The following BCL9 variants were observed in gnomAD, a reference collection of about 807,000 sequenced individuals.
BCL9 encodes BCL9 transcription coactivator, also known as B-cell CLL/lymphoma 9 protein.
In BCL9, 25 loss-of-function variants were observed where a neutral mutation model predicts 88.5. The ratio of observed to expected loss-of-function variants is 0.28; its 90% CI spans 0.21 to 0.39. The LOEUF (loss-of-function observed/expected upper bound fraction) is 0.39. Ranked by LOEUF, BCL9 falls within the 10% of genes least tolerant of loss-of-function variation. The pLI is 1.00. For synonymous variants in BCL9, 711 were observed against 673.3 expected (o/e 1.06, Z -0.87); for missense variants, 1,817 against 1,877.8 (o/e 0.97, Z 0.60).
At chr1:147,615,114 T>C (rs970867183) in intron 6 of BCL9, among the ~76,000 whole-genome samples, 1 of 152,174 alleles carries the variant, frequency 6.6e-6, no homozygotes, top group Non-Finnish European at 1.5e-5. Flanking sequence ...ATGATGGGAT[T>C]ACAGGCATGA....
intron 1 of BCL9, among the ~76,000 whole-genome samples, chr1:147,556,369 C>T (rs1655114628): frequency 6.6e-6 from 1 of 151,962 alleles, no homozygotes; most frequent in African/African-American, 2.4e-5. Flanking sequence ...CATGATCTGC[C>T]TGCCTCGGCC....
intron 1 of BCL9, among the ~76,000 whole-genome samples, chr1:147,558,698 C>T (rs1259707452): frequency 6.6e-6 from 1 of 152,084 alleles, no homozygotes; most frequent in Non-Finnish European, 1.5e-5. Context: ...TCTTTTCTTC[C>T]AGCAGAACAT....
In BCL9 at chr1:147,624,791, C is replaced by G. The variant is rs782010364; in HGVS notation, c.4113C>G (p.His1371Gln). 1 of 1,614,152 alleles carries G rather than the reference C, an allele frequency of 6.2e-7. No individual in the cohort carries two copies. The highest frequency in any genetic ancestry group is 8.5e-7 in the Non-Finnish European group (1 of 1,180,000). The change falls in exon 10 of 10, where the codon CAC becomes CAG. Residue 1371 changes from histidine to glutamine, a missense_variant. By Grantham distance (24) the His-to-Gln change is conservative. Transcript: ENST00000234739. This position sits in a 1 kb window ranked among gnomAD's most constrained non-coding sequence, Gnocchi z 4.4. Reference protein sequence around the residue: ...KDRGPAGLYTHPGPVGSPGMM... With the variant: ...KDRGPAGLYTQPGPVGSPGMM... ...GGGGGCCTGCCGGGCTCTACACCCA[C>G]CCTGGGCCTGTGGGCTCTCCAGGCA... is the stretch of plus-strand genomic sequence containing the variant.
Position 147,593,151 on chromosome 1 carries a change from CAAA to C in BCL9, c.-477-11625_-477-11623del, listed in dbSNP as rs146994692. Among the ~76,000 whole-genome samples the C allele has an allele frequency of 2.0e-5, 3 of 152,344 alleles. No homozygotes were observed. The East Asian group carries it at 5.8e-4, about 29-fold the overall frequency. On this transcript the variant is annotated intron_variant, in intron 1 of 9. Coordinates refer to ENST00000234739, the MANE Select transcript of BCL9 (RefSeq NM_004326.4). ...GGCACTGCACGAGGTGCTGAGAAGA[CAAA>C]GAGGCATCCAGCCCCACTGCATGCC...
Position 147,611,708 on chromosome 1 carries a change from GAGCGCTAAGGGACGCACCCAGCA to G in BCL9, c.-125_-103del. ...AAGAGGAAAAAGGCATACAGGCAGCGAGCGCTAAGGGACGCACCCAGCAAGCAGTGGGCCAGTGCCACTGCCCC... is the reference window on the plus strand; with the variant it reads ...AAGAGGAAAAAGGCATACAGGCAGCGAGCAGTGGGCCAGTGCCACTGCCCC... On this transcript the variant is annotated 5_prime_UTR_variant, in exon 4 of 10. An upstream open reading frame in the 5' UTR loses its in-frame stop. Transcript: ENST00000234739. 1 of 811,420 alleles carries G rather than the reference GAGCGCTAAGGGACGCACCCAGCA, an allele frequency of 1.2e-6. No individual in the cohort carries two copies. The highest frequency in any genetic ancestry group is 2.1e-6 in the Non-Finnish European group (1 of 482,186). 50.3% of individuals were successfully genotyped at this position (811,420 alleles called of 1,614,324 possible).
chr1:147,569,664 G>C (rs916750882), intron 1 of BCL9, among the ~76,000 whole-genome samples: 1 of 120 alleles, frequency 8.3e-3, no homozygotes, highest in Non-Finnish European at 0.024. Flanking sequence ...AAAAAGAAGA[G>C]AAAAAGAAGA....
chr1:147,548,613 GT>G (rs1279268430), intron 1 of BCL9, among the ~76,000 whole-genome samples: 1 of 152,174 alleles, frequency 6.6e-6, no homozygotes, highest in Non-Finnish European at 1.5e-5. Flanking sequence ...ATTGTTTGTA[GT>G]TTTTGTACCC....
intron 1 of BCL9, among the ~76,000 whole-genome samples, chr1:147,546,344 A>T (rs1044878753): frequency 1.7e-4 from 26 of 152,010 alleles, no homozygotes; most frequent in African/African-American, 4.1e-4. Context: ...AAAAAAAAAA[A>T]TAATAAATAA....
chr1:147,545,572 A>G lies in BCL9; in HGVS notation c.-478+3898A>G, dbSNP rs140235739. 2.8e-3 allele frequency among the ~76,000 whole-genome samples: 420 copies of G among 152,324 alleles called. 2 individuals carry two copies. Among genetic ancestry groups the G allele is most frequent in the African/African-American group, 9.5e-3 (393 of 41,556 alleles). On this transcript the variant is annotated intron_variant, in intron 1 of 9. Coordinates refer to ENST00000234739, the MANE Select transcript of BCL9 (RefSeq NM_004326.4). ...ACTGTTATGACATTTTAAAGGTGCAATGTGTAGGTACTCTGCATAAATAAA... is the reference window on the plus strand; with the variant it reads ...ACTGTTATGACATTTTAAAGGTGCAGTGTGTAGGTACTCTGCATAAATAAA...
At chr1:147,555,634 G>C (rs587617578) in intron 1 of BCL9, among the ~76,000 whole-genome samples, 80 of 152,272 alleles carry the variant, frequency 5.3e-4, no homozygotes, top group African/African-American at 1.9e-3. Context: ...CTTTGGAGTC[G>C]AAGGCTTCCT....
chr1:147,614,623 T>A lies in BCL9; in HGVS notation c.560+7T>A. 1 of 1,605,620 alleles carries A rather than the reference T, an allele frequency of 6.2e-7. No individual in the cohort carries two copies. Among genetic ancestry groups the A allele is most frequent in the East Asian group, 2.2e-5 (1 of 44,668 alleles). ...CTACTGAGATGGCCAATAAGTAAGT[T>A]GATGGCTGTGTCTTGCTGTTGGGCA... is the stretch of plus-strand genomic sequence containing the variant. On this transcript the variant is annotated splice_region_variant and intron_variant, in intron 6 of 9. Transcript: ENST00000234739.
rs782549101 is a variant in BCL9 at position 147,621,077 on chromosome 1, C to T, written c.2902+20C>T. The T allele has an allele frequency of 8.2e-6, 13 of 1,593,710 alleles. No individual in the cohort carries two copies. The highest frequency in any genetic ancestry group is 1.1e-5 in the Non-Finnish European group (13 of 1,169,340). On this transcript the variant is annotated intron_variant, in intron 8 of 9. Transcript: ENST00000234739. Reference sequence around the variant, plus strand: ...AGTCAGGTCAGTATGCTTGCATCCTCACAGTTGCACCTAGTAGCTGGAGAC... The same window carrying T: ...AGTCAGGTCAGTATGCTTGCATCCTTACAGTTGCACCTAGTAGCTGGAGAC...
intron 1 of BCL9, among the ~76,000 whole-genome samples, chr1:147,569,233 C>A (rs587718953): frequency 6.6e-6 from 1 of 151,746 alleles, no homozygotes; most frequent in East Asian, 1.9e-4. Flanking sequence ...GAACTAAAAG[C>A]CTTTTTAATA....
chr1:147,577,602 TGGC>T (rs1453798663), intron 1 of BCL9, among the ~76,000 whole-genome samples: 1 of 152,218 alleles, frequency 6.6e-6, no homozygotes, highest in African/African-American at 2.4e-5. Context: ...TCTCAATTTT[TGGC>T]TTAGAAAATA....
chr1:147,619,267 G>T lies in BCL9; in HGVS notation c.1112G>T (p.Arg371Leu), dbSNP rs868909161. 1.2e-6 allele frequency: 2 copies of T among 1,614,048 alleles called. No individual in the cohort carries two copies. The highest frequency in any genetic ancestry group is 1.3e-5 in the African/African-American group (1 of 74,914). Residue 371 changes from arginine to leucine, a missense_variant, in exon 8 of 10, where the codon CGC becomes CTC. Physicochemically the swap from Arg to Leu is moderately radical, Grantham distance 102 (BLOSUM62 -2). Around this residue, in one of 2 missense-constraint regions of BCL9, gnomAD observed 1,228 missense variants for 1,191.6 expected, o/e 1.03. Coordinates refer to ENST00000234739, the MANE Select transcript of BCL9 (RefSeq NM_004326.4). The surrounding 1 kb of genome is among the most constrained non-coding windows in gnomAD (Gnocchi z 4.1). ...TTACAAACTCTCAGAGATATCCAGCGCATGCTTTTTCCTGATGAGAAAGAA... is the reference window on the plus strand; with the variant it reads ...TTACAAACTCTCAGAGATATCCAGCTCATGCTTTTTCCTGATGAGAAAGAA... Reference protein sequence around the residue: ...RSLQTLRDIQRMLFPDEKEFT... With the variant: ...RSLQTLRDIQLMLFPDEKEFT...
Position 147,613,104 on chromosome 1 carries a change from G to C in BCL9, c.275G>C (p.Gly92Ala), listed in dbSNP as rs782267474. The part of the protein sequence containing the change: ...SMGLKNGAGN[G>A]AKGKGKRERS... ...GGGCTGAAGAATGGGGCTGGAAATG[G>C]TGCCAAGGGCAAGGGGAAAAGGGAG... The change falls in exon 5 of 10, where the codon GGT (glycine) becomes GCT (alanine). Residue 92 changes from glycine (G) to alanine (A), a missense_variant. By Grantham distance (60) the Gly-to-Ala change is moderately conservative. Transcript: ENST00000234739. 6.2e-7 allele frequency: 1 copy of C among 1,614,086 alleles called. No individual in the cohort carries two copies. The highest frequency in any genetic ancestry group is 8.5e-7 in the Non-Finnish European group (1 of 1,180,048).
chr1:147,581,258 T>C (rs1199010075), intron 1 of BCL9, among the ~76,000 whole-genome samples: 1 of 152,184 alleles, frequency 6.6e-6, no homozygotes, highest in Non-Finnish European at 1.5e-5. Context: ...ACATGGCATA[T>C]CAACTAGCAA....
In BCL9 at chr1:147,611,687, G is replaced by T; in HGVS notation, c.-150G>T. On this transcript the variant is annotated 5_prime_UTR_variant, in exon 4 of 10. The change creates a new upstream start codon in the 5' untranslated region. Coordinates refer to ENST00000234739, the MANE Select transcript of BCL9 (RefSeq NM_004326.4). Reference sequence around the variant, plus strand: ...CTTCCACAGCAGAGAAAAACAAAGAGGAAAAAGGCATACAGGCAGCGAGCG... The same window carrying T: ...CTTCCACAGCAGAGAAAAACAAAGATGAAAAAGGCATACAGGCAGCGAGCG... The T allele has an allele frequency of 1.5e-6, 1 of 675,740 alleles. No individual in the cohort carries two copies. The highest frequency in any genetic ancestry group is 2.6e-6 in the Non-Finnish European group (1 of 382,908). 41.9% of individuals were successfully genotyped at this position (675,740 alleles called of 1,614,324 possible).
intron 1 of BCL9, among the ~76,000 whole-genome samples, chr1:147,585,419 G>A (rs1656558089): frequency 6.6e-6 from 1 of 152,014 alleles, no homozygotes; most frequent in South Asian, 2.1e-4. Flanking sequence ...GGGATTGTGG[G>A]GATTGCCTGT....
Sources: gnomAD v4.1 joint callset for allele counts (sites outside exome capture counted in the v4.1 genomes callset) on GRCh38, gnomAD v4.1.1 for gene constraint, gnomAD v4.1.1 regional missense constraint, Gnocchi (gnomAD v3.1) non-coding constraint, MANE v1.5 for transcripts, NCBI Gene and HGNC (gene_info 2026-07-23, HGNC 2026-07-21) for gene names.